The following PIF1 variants were observed in gnomAD, a reference collection of about 807,000 sequenced individuals.
PIF1 encodes the protein ATP-dependent DNA helicase PIF1.
In PIF1, 67 loss-of-function variants were observed where a neutral mutation model predicts 62.3. That is an observed-to-expected ratio of 1.08 (90% CI 0.88 to 1.32). The LOEUF (loss-of-function observed/expected upper bound fraction) is 1.32. Among genes scored for constraint, PIF1 ranks in the 40% most tolerant of loss-of-function variants. The pLI is 0.00. For synonymous variants in PIF1, 364 were observed against 379.5 expected (o/e 0.96, Z 0.47); for missense variants, 886 against 866.1 (o/e 1.02, Z -0.29).
At chr15:64,817,226 G>C (rs1211642499) in intron 11 of PIF1, among the ~76,000 whole-genome samples, 1 of 152,142 alleles carries the variant, frequency 6.6e-6, no homozygotes, top group Non-Finnish European at 1.5e-5. Context: ...CCAGGAAAGG[G>C]AGAGGAGGTG....
rs1259697466 is a variant in PIF1, at chr15:64,824,123, C to A, written c.213G>T (p.Leu71=). The change falls in exon 2 of 13, where the codon CTG becomes CTT. Residue 71 remains leucine (L), a synonymous_variant. Coordinates refer to ENST00000559239, the MANE Select transcript of PIF1 (RefSeq NM_001286496.2). ...GPAGRPRCFP[L]RAARLFTRFA... Reference sequence around the variant, plus strand: ...AACGCGTGAAGAGGCGCGCGGCGCGCAGAGGAAAGCAGCGCGGCCGCCCCG... The same window carrying A: ...AACGCGTGAAGAGGCGCGCGGCGCGAAGAGGAAAGCAGCGCGGCCGCCCCG... 2 of 1,278,152 alleles carry A rather than the reference C, an allele frequency of 1.6e-6. No homozygotes were observed. The allele number at this position is 1,278,152 out of a possible 1,614,324, so 79.2% of individuals were successfully genotyped here.
chr15:64,818,195 C>T (rs1036190926), intron 10 of PIF1, 62 bp downstream of exon 10: 1 of 1,609,940 alleles, frequency 6.2e-7, no homozygotes, highest in Non-Finnish European at 8.5e-7. Context: ...TCTCCCCCCA[C>T]CATTCCCGGG....
upstream of PIF1, among the ~76,000 whole-genome samples, chr15:64,826,708 A>C (rs186314210): frequency 0.056 from 7,703 of 138,260 alleles, 784 homozygotes; most frequent in African/African-American, 0.18. Context: ...ATATACACAC[A>C]CATATATATA....
upstream of PIF1, among the ~76,000 whole-genome samples, chr15:64,826,671 C>CATATAT (rs2084375177): frequency 1.4e-5 from 1 of 72,038 alleles, no homozygotes; most frequent in Non-Finnish European, 3.2e-5. Flanking sequence ...TATATACACA[C>CATATAT]ACACACACAT....
At chr15:64,816,788 T>C (rs1237425167) in intron 11 of PIF1, 23 bp from the exon 12 acceptor site, 44 of 1,560,452 alleles carry the variant, frequency 2.8e-5, no homozygotes, top group Non-Finnish European at 3.3e-5. Context: ...GGGACAGAGA[T>C]GGAGTCAGCT....
intron 9 of PIF1, 85 bp downstream of exon 9, chr15:64,819,032 G>A (rs2084239969): frequency 1.0e-6 from 1 of 990,874 alleles, no homozygotes; most frequent in Non-Finnish European, 1.4e-6. Context: ...TGGCTGCAGA[G>A]TGGCCTGGGC....
rs201947182 is a variant in PIF1, at chr15:64,819,882, G to A, written c.1298C>T (p.Ala433Val). 455 of 1,613,922 alleles carry A rather than the reference G, an allele frequency of 2.8e-4. 4 individuals carry two copies. The highest frequency in any genetic ancestry group is 2.6e-3 in the South Asian group (241 of 91,086). Reference sequence around the variant, plus strand: ...CTGAAGCCGCCTCTCGTTGGTGAGGGCCACATCATCCTGGTGGGTGCAGAG... The same window carrying A: ...CTGAAGCCGCCTCTCGTTGGTGAGGACCACATCATCCTGGTGGGTGCAGAG... ...TRLCTHQDDV[A>V]LTNERRLQEL... The change falls in exon 8 of 13, where the codon GCC becomes GTC. Residue 433 changes from alanine to valine, a missense_variant. Ala to Val is a moderately conservative substitution (Grantham distance 64). Transcript: ENST00000559239.
chr15:64,820,159 A>AC, intron 7 of PIF1, 173 bp from the exon 8 acceptor site: 1 of 735,342 alleles, frequency 1.4e-6, no homozygotes, highest in Non-Finnish European at 2.2e-6. Context: ...CCAAACTTGG[A>AC]CCCCAAACAT....
At position 64,818,068 on chromosome 15, in the gene PIF1, A is replaced by G; in HGVS notation, c.1552T>C (p.Cys518Arg). The change falls in exon 11 of 13, where the codon TGT (cysteine) becomes CGT (arginine). Residue 518 changes from cysteine (C) to arginine (R), a missense_variant. By Grantham distance (180) the Cys-to-Arg change is radical. Coordinates refer to ENST00000559239, the MANE Select transcript of PIF1 (RefSeq NM_001286496.2). ...GCGTGGATGACCTCAGTGACTCCACACAGGAACCGCACCTGGGGTAGCCCT... is the reference window on the plus strand; with the variant it reads ...GCGTGGATGACCTCAGTGACTCCACGCAGGAACCGCACCTGGGGTAGCCCT... ...GRGLPQVRFLCGVTEVIHADR... is the reference protein window; with the variant it reads ...GRGLPQVRFLRGVTEVIHADR... 6.2e-7 allele frequency: 1 copy of G among 1,614,018 alleles called. No homozygotes were observed. Among genetic ancestry groups the G allele is most frequent in the Non-Finnish European group, 8.5e-7 (1 of 1,179,970 alleles).
intron 7 of PIF1, 78 bp from the exon 8 acceptor site, chr15:64,820,064 C>A: frequency 1.3e-6 from 2 of 1,544,606 alleles, no homozygotes; most frequent in Non-Finnish European, 1.8e-6. Context: ...ATGGCTCAAG[C>A]AGCAGGCCAT....
chr15:64,816,509 C>T, intron 12 of PIF1, 65 bp downstream of exon 12: 1 of 1,597,204 alleles, frequency 6.3e-7, no homozygotes, highest in Non-Finnish European at 8.5e-7. Flanking sequence ...TGGGCCGGCG[C>T]TCCCTCTGTC....
At chr15:64,817,667 T>C (rs936217095) in intron 11 of PIF1, among the ~76,000 whole-genome samples, 1 of 150,734 alleles carries the variant, frequency 6.6e-6, no homozygotes, top group African/African-American at 2.4e-5. Flanking sequence ...ATTGAGGCCA[T>C]CCTGGCCAAC....
chr15:64,819,204 C>A lies in PIF1; in HGVS notation c.1353G>T (p.Glu451Asp). 6.9e-6 allele frequency: 11 copies of A among 1,605,010 alleles called. No homozygotes were observed. The highest frequency in any genetic ancestry group is 9.3e-6 in the Non-Finnish European group (11 of 1,177,114). Residue 451 changes from glutamate (E) to aspartate (D), a missense_variant, in exon 9 of 13, where the codon GAG becomes GAT. Glu to Asp is a conservative substitution (Grantham distance 45). Coordinates refer to ENST00000559239, the MANE Select transcript of PIF1 (RefSeq NM_001286496.2). ...CCAGCTCAGGGTTGCTGTCCATAGC[C>A]TCAAATCTGTGTACCTTACCTGGAG... ...QELPGKVHRF[E>D]AMDSNPELAS...
rs759743765 is a variant in PIF1 at position 64,816,769 on chromosome 15, G to A, written c.1675-4C>T. 1 of 1,576,986 alleles carries A rather than the reference G, an allele frequency of 6.3e-7. No individual in the cohort carries two copies. The highest frequency in any genetic ancestry group is 1.2e-5 in the South Asian group (1 of 86,810). On this transcript the variant is annotated splice_polypyrimidine_tract_variant and splice_region_variant and intron_variant, in intron 11 of 12. Transcript: ENST00000559239. ...CCACACAATCCAGGGTCATGCCCTG[G>A]GGGATGCAGGGACAGAGATGGAGTC...
In PIF1 at chr15:64,822,290, C is replaced by T; in HGVS notation, c.793G>A (p.Gly265Ser). ...CCTGCAAAGGCATGGAGGGTGGTGC[C>T]CCCGATGTGGCAGGCTGCCACCCCA... ...STGVAACHIG[G>S]TTLHAFAGIG... is the part of the protein sequence containing the mutation. Residue 265 changes from glycine to serine, a missense_variant, in exon 4 of 13, where the codon GGC (glycine) becomes AGC (serine). By Grantham distance (56) the Gly-to-Ser change is moderately conservative (BLOSUM62 0). Coordinates refer to ENST00000559239, the MANE Select transcript of PIF1 (RefSeq NM_001286496.2). 1.2e-6 allele frequency: 2 copies of T among 1,613,904 alleles called. No individual in the cohort carries two copies. The highest frequency in any genetic ancestry group is 1.7e-4 in the Middle Eastern group (1 of 6,058).
chr15:64,823,827 G>A lies in PIF1; in HGVS notation c.509C>T (p.Thr170Met), dbSNP rs540565125. Residue 170 changes from threonine (T) to methionine (M), a missense_variant, in exon 2 of 13, where the codon ACG (threonine) becomes ATG (methionine). By Grantham distance (81) the Thr-to-Met change is moderately conservative. Coordinates refer to ENST00000559239, the MANE Select transcript of PIF1 (RefSeq NM_001286496.2). The part of the protein sequence containing the change: ...LRAATRVPDT[T>M]LVKRPVEPQA... ...GGGCTCCACAGGCCGCTTCACCAGC[G>A]TAGTGTCCGGAACCCGGGTGGCCGC... 4.4e-6 allele frequency: 6 copies of A among 1,366,280 alleles called. No individual in the cohort carries two copies. The highest frequency in any genetic ancestry group is 1.9e-4 in the Middle Eastern group (1 of 5,134). The allele number at this position is 1,366,280 out of a possible 1,614,324, so 84.6% of individuals were successfully genotyped here. A position where few individuals can be genotyped will look rare whatever the true frequency, so the allele number is the denominator to read the frequency against.
chr15:64,816,758 GTCA>G lies in PIF1; in HGVS notation c.1679_1681del (p.Met560del), dbSNP rs1393793754. On this transcript the variant is annotated inframe_deletion, in exon 12 of 13. Coordinates refer to ENST00000559239, the MANE Select transcript of PIF1 (RefSeq NM_001286496.2). ...CAGAGAAATCTCCACACAATCCAGGGTCATGCCCTGGGGGATGCAGGGACAGAG... is the reference window on the plus strand; with the variant it reads ...CAGAGAAATCTCCACACAATCCAGGGTGCCCTGGGGGATGCAGGGACAGAG... The G allele has an allele frequency of 2.5e-6, 4 of 1,592,098 alleles. No homozygotes were observed. The highest frequency in any genetic ancestry group is 3.4e-6 in the Non-Finnish European group (4 of 1,168,892).
intron 8 of PIF1, among the ~76,000 whole-genome samples, chr15:64,819,598 C>T (rs3803377): frequency 3.3e-5 from 5 of 151,876 alleles, no homozygotes; most frequent in African/African-American, 9.7e-5. Context: ...TATGACCCAC[C>T]GCTCCCAGCC....
Position 64,819,991 on chromosome 15 carries a change from TG to T in PIF1, c.1194-6del, listed in dbSNP as rs541472208. On this transcript the variant is annotated splice_polypyrimidine_tract_variant and splice_region_variant and intron_variant, in intron 7 of 12. Transcript: ENST00000559239. Reference sequence around the variant, plus strand: ...CGGGTCACCTCATCTGAACACCTGTTGGGGCTGGACTGTCAGGGCAGAGCCC... The same window carrying T: ...CGGGTCACCTCATCTGAACACCTGTTGGGCTGGACTGTCAGGGCAGAGCCC... The T allele has an allele frequency of 2.5e-5, 41 of 1,613,010 alleles. 1 individual carries two copies. The African/African-American group carries it at 4.9e-4, about 19-fold the overall frequency.
Sources: gnomAD v4.1 joint callset for allele counts (sites outside exome capture counted in the v4.1 genomes callset) on GRCh38, gnomAD v4.1.1 for gene constraint, MANE v1.5 for transcripts, NCBI Gene and HGNC (gene_info 2026-07-23, HGNC 2026-07-21) for gene names.